FNDC3B: variants seen among roughly 807,000 people sequenced by gnomAD.
FNDC3B encodes the protein fibronectin type III domain containing 3B.
In FNDC3B, 12 loss-of-function variants were observed where a neutral mutation model predicts 151.5. That is an observed-to-expected ratio of 0.08 (90% CI 0.05 to 0.13). The LOEUF (loss-of-function observed/expected upper bound fraction) is 0.13. Ranked by LOEUF, FNDC3B falls within the 10% of genes least tolerant of loss-of-function variation. The pLI, the probability that FNDC3B is intolerant of heterozygous loss-of-function variation, is 1.00. For missense variants in FNDC3B, 1,214 were observed against 1,505.3 expected (o/e 0.81, Z 3.20); for synonymous variants, 528 against 549.0 (o/e 0.96, Z 0.54).
At chr3:172,214,383 A>G (rs779583287) in intron 3 of FNDC3B, among the ~76,000 whole-genome samples, 1 of 152,226 alleles carries the variant, frequency 6.6e-6, no homozygotes, top group Non-Finnish European at 1.5e-5. Context: ...CTGCCGGACA[A>G]CTTAGAGGAT....
Position 172,335,094 on chromosome 3 carries a change from T to C in FNDC3B, c.1780+12T>C. 6.5e-7 allele frequency: 1 copy of C among 1,547,612 alleles called. No homozygotes were observed. The highest frequency in any genetic ancestry group is 1.2e-5 in the South Asian group (1 of 80,348). On this transcript the variant is annotated intron_variant, in intron 15 of 25. Transcript: ENST00000415807. ...TAGTGTCAAATGGGGTATGTTTTGC[T>C]GCTGCTGCTACTGTTTTTTTTTTTT...
At chr3:172,277,075 A>G (rs1006705993) in intron 6 of FNDC3B, among the ~76,000 whole-genome samples, 5 of 152,294 alleles carry the variant, frequency 3.3e-5, no homozygotes, top group Admixed American at 3.3e-4. Flanking sequence ...AGAAATGCTG[A>G]AGTTTTGGGG....
At chr3:172,157,856 G>A (rs1262438779) in intron 3 of FNDC3B, among the ~76,000 whole-genome samples, 1 of 152,202 alleles carries the variant, frequency 6.6e-6, no homozygotes, top group Non-Finnish European at 1.5e-5. Flanking sequence ...AGGTCTGAAT[G>A]TTTGTGTTCC....
chr3:172,381,775 C>T (rs1322967734), intron 25 of FNDC3B, among the ~76,000 whole-genome samples: 1 of 152,170 alleles, frequency 6.6e-6, no homozygotes, highest in East Asian at 1.9e-4. Flanking sequence ...CCACTTCATC[C>T]ATGTCCCTAC....
chr3:172,191,480 G>A (rs556663506), intron 3 of FNDC3B, among the ~76,000 whole-genome samples: 4 of 152,062 alleles, frequency 2.6e-5, no homozygotes, highest in African/African-American at 7.2e-5. Context: ...TTGAGTGGGG[G>A]ATCTAGGTTT....
At chr3:172,393,081 G>C (rs1736098676) in intron 25 of FNDC3B, among the ~76,000 whole-genome samples, 1 of 151,894 alleles carries the variant, frequency 6.6e-6, no homozygotes, top group South Asian at 2.1e-4. Context: ...GAGATTACAG[G>C]CATGAGCCAC....
At chr3:172,138,889 G>A (rs552620422) in intron 3 of FNDC3B, among the ~76,000 whole-genome samples, 7 of 152,322 alleles carry the variant, frequency 4.6e-5, no homozygotes, top group Non-Finnish European at 7.3e-5. Context: ...GAAGCTATTC[G>A]AATGTGAAAC....
At chr3:172,255,764 T>C (rs532043706) in intron 6 of FNDC3B, among the ~76,000 whole-genome samples, 1 of 152,294 alleles carries the variant, frequency 6.6e-6, no homozygotes, top group East Asian at 1.9e-4. Context: ...CTTGGGGTCC[T>C]CTCTGGTGGA....
chr3:172,098,789 G>A (rs570646390), intron 1 of FNDC3B, among the ~76,000 whole-genome samples: 23 of 152,332 alleles, frequency 1.5e-4, no homozygotes, highest in African/African-American at 4.8e-4. Flanking sequence ...CTGAAGTGTA[G>A]GCAGTTAGGG....
rs770756193 is a variant in FNDC3B at position 172,251,242 on chromosome 3, C to G, written c.509-18C>G. On this transcript the variant is annotated intron_variant, in intron 5 of 25. Transcript: ENST00000415807. ...AAATGTAAACTGAGTTTGGGTTTAT[C>G]ATAATCATCCATTTTAGAAATTATA... 1 of 1,581,418 alleles carries G rather than the reference C, an allele frequency of 6.3e-7. No homozygotes were observed. The highest frequency in any genetic ancestry group is 8.7e-7 in the Non-Finnish European group (1 of 1,154,448).
intron 4 of FNDC3B, among the ~76,000 whole-genome samples, chr3:172,234,864 C>G (rs1449999709): frequency 1.3e-5 from 2 of 151,958 alleles, no homozygotes; most frequent in African/African-American, 4.8e-5. Context: ...CAAAACTTTA[C>G]CAAGGTTAGA....
At chr3:172,152,829 T>TGAG (rs1722300040) in intron 3 of FNDC3B, among the ~76,000 whole-genome samples, 1 of 152,154 alleles carries the variant, frequency 6.6e-6, no homozygotes, top group Non-Finnish European at 1.5e-5. Flanking sequence ...TTGGTTTACA[T>TGAG]GAGGATTGAT....
Position 172,347,265 on chromosome 3 carries a change from A to T in FNDC3B, c.2418A>T (p.Glu806Asp). ...CAGAGTACAGGTTGGAATGGGGAGA[A>T]GATGAAGAATCCTTAGAACTCATTT... ...DISEYRLEWG[E>D]DEESLELIYH... The change falls in exon 21 of 26, where the codon GAA becomes GAT. Residue 806 changes from glutamate to aspartate, a missense_variant. Glu to Asp is a conservative substitution (Grantham distance 45). Around this residue, in one of 7 missense-constraint regions of FNDC3B, gnomAD observed 380 missense variants for 420.9 expected, o/e 0.90. Coordinates refer to ENST00000415807, the MANE Select transcript of FNDC3B (RefSeq NM_022763.4). 6.2e-7 allele frequency: 1 copy of T among 1,614,078 alleles called. No homozygotes were observed.
chr3:172,041,261 T>C (rs187813736), intron 1 of FNDC3B, among the ~76,000 whole-genome samples: 75 of 152,306 alleles, frequency 4.9e-4, no homozygotes, highest in Admixed American at 2.0e-3. Flanking sequence ...CTTGTCTGTT[T>C]ATTTTTTAAT....
chr3:172,164,306 T>C (rs1722909904), intron 3 of FNDC3B, among the ~76,000 whole-genome samples: 1 of 152,258 alleles, frequency 6.6e-6, no homozygotes. Flanking sequence ...TGTAGTTTGC[T>C]CATATTGATT....
At chr3:172,106,145 A>T (rs1242997933) in intron 1 of FNDC3B, among the ~76,000 whole-genome samples, 1 of 152,190 alleles carries the variant, frequency 6.6e-6, no homozygotes, top group Non-Finnish European at 1.5e-5. Flanking sequence ...CATACATTCT[A>T]CTTACTTGTT....
At chr3:172,065,747 T>C (rs916867126) in intron 1 of FNDC3B, among the ~76,000 whole-genome samples, 11 of 152,356 alleles carry the variant, frequency 7.2e-5, no homozygotes, top group East Asian at 5.8e-4. Flanking sequence ...AAAAGATTTT[T>C]GTACTGAAGT....
chr3:172,328,863 A>T, intron 11 of FNDC3B, 89 bp from the exon 12 acceptor site: 1 of 1,002,446 alleles, frequency 1.0e-6, no homozygotes, highest in Non-Finnish European at 1.4e-6. Flanking sequence ...CAGTTATTCA[A>T]GATGTTCAAG....
At chr3:172,169,195 G>A (rs1288942706) in intron 3 of FNDC3B, among the ~76,000 whole-genome samples, 1 of 152,134 alleles carries the variant, frequency 6.6e-6, no homozygotes, top group Non-Finnish European at 1.5e-5. Context: ...TGTCCAAAAG[G>A]TGCTTTGAAC....
Sources: allele counts gnomAD v4.1 joint callset (sites outside exome capture counted in the v4.1 genomes callset), GRCh38; gene constraint gnomAD v4.1.1; regional missense constraint gnomAD v4.1.1; transcripts MANE v1.5; gene names NCBI Gene and HGNC (gene_info 2026-07-23, HGNC 2026-07-21).